RNASEH2B: variants seen among roughly 807,000 people sequenced by gnomAD.
RNASEH2B encodes Aicardi-Goutieres syndrome 2 protein.
In RNASEH2B, 36 loss-of-function variants were observed where a neutral mutation model predicts 45.0. The ratio of observed to expected loss-of-function variants is 0.80; its 90% CI spans 0.61 to 1.06. The LOEUF (loss-of-function observed/expected upper bound fraction) is 1.06, where lower values mean the gene tolerates loss of function less well. Among genes scored for constraint, RNASEH2B ranks in the 50% least tolerant of loss-of-function variants. The pLI, the probability that RNASEH2B is intolerant of heterozygous loss-of-function variation, is 0.00. For synonymous variants in RNASEH2B, 119 were observed against 125.7 expected, an observed-to-expected ratio of 0.95 and a Z score of 0.35; for missense variants, 361 against 360.3, an observed-to-expected ratio of 1.00 and a Z score of -0.02.
At chr13:50,921,113 T>C (rs970571632) in intron 1 of RNASEH2B, 2 of 152,238 alleles carry the variant, frequency 1.3e-5, no homozygotes, top group African/African-American at 4.8e-5. Flanking sequence ...TTCTAGGCAC[T>C]TTCACATACA....
intron 6 of RNASEH2B, among the ~76,000 whole-genome samples, chr13:50,944,648 A>T (rs1951878507): frequency 6.6e-6 from 1 of 151,982 alleles, no homozygotes; most frequent in African/African-American, 2.4e-5. Context: ...ATAAATAATA[A>T]ATAAATTGTG....
intron 5 of RNASEH2B, chr13:50,935,892 G>C (rs1951745518): frequency 6.6e-6 from 1 of 152,444 alleles, no homozygotes; most frequent in East Asian, 1.9e-4. Flanking sequence ...GGAGAAGCCA[G>C]GTCCACCAAG....
At chr13:50,912,581 G>A (rs1454825772) in intron 1 of RNASEH2B, 3 of 152,168 alleles carry the variant, frequency 2.0e-5, no homozygotes, top group South Asian at 2.1e-4. Flanking sequence ...TGTAGTTGTC[G>A]TCTTTTCCAG....
chr13:50,924,400 A>G (rs1951563681), intron 1 of RNASEH2B, among the ~76,000 whole-genome samples: 1 of 152,216 alleles, frequency 6.6e-6, no homozygotes, highest in Non-Finnish European at 1.5e-5. Context: ...CAATACTAAT[A>G]TCACATGAAA....
downstream of RNASEH2B, among the ~76,000 whole-genome samples, chr13:50,960,955 T>C (rs1195276000): frequency 6.6e-6 from 1 of 152,212 alleles, no homozygotes; most frequent in Non-Finnish European, 1.5e-5. Context: ...ATCTGTTCTT[T>C]GTCTTACTTG....
chr13:50,927,599 A>G, intron 2 of RNASEH2B, 121 bp downstream of exon 2: 1 of 720,038 alleles, frequency 1.4e-6, no homozygotes, highest in Non-Finnish European at 2.6e-6. Context: ...TGGCACCGTG[A>G]GGAGAAGAAA....
chr13:50,925,998 C>G (rs1951589756), intron 1 of RNASEH2B, among the ~76,000 whole-genome samples: 1 of 152,178 alleles, frequency 6.6e-6, no homozygotes, highest in African/African-American at 2.4e-5. Context: ...TTTACCATCT[C>G]TCAGGGACTA....
At chr13:50,914,167 A>G (rs901332361) in intron 1 of RNASEH2B, among the ~76,000 whole-genome samples, 2 of 152,132 alleles carry the variant, frequency 1.3e-5, no homozygotes, top group African/African-American at 4.8e-5. Context: ...CAAAGGAAGA[A>G]CTACTATAGA....
chr13:50,925,581 A>C (rs1043396478), intron 1 of RNASEH2B, among the ~76,000 whole-genome samples: 1 of 152,200 alleles, frequency 6.6e-6, no homozygotes, highest in Non-Finnish European at 1.5e-5. Context: ...CCCTACTACT[A>C]AGGACCCTTT....
At position 50,909,912 on chromosome 13, in the gene RNASEH2B, T is replaced by A. The variant is rs1003844067; in HGVS notation, c.-165T>A. The A allele has an allele frequency of 1.9e-6, 1 of 516,614 alleles. No homozygotes were observed. Among genetic ancestry groups the A allele is most frequent in the Non-Finnish European group, 3.3e-6 (1 of 300,314 alleles). 32.0% of individuals were successfully genotyped at this position (516,614 alleles called of 1,614,324 possible). A position where few individuals can be genotyped will look rare whatever the true frequency, so the allele number is the denominator to read the frequency against. The stretch of plus-strand genomic sequence containing the variant: ...ACGTAACACGAGCAGCAGGCTGGTC[T>A]CGGAAACGAAACGAAATTCGGTCCC... On this transcript the variant is annotated 5_prime_UTR_variant, in exon 1 of 11. Transcript: ENST00000336617.
intron 1 of RNASEH2B, among the ~76,000 whole-genome samples, chr13:50,916,938 T>G (rs1879778271): frequency 6.6e-6 from 1 of 152,162 alleles, no homozygotes; most frequent in South Asian, 2.1e-4. Flanking sequence ...GGTTTCTGCC[T>G]CTCTGAGTGT....
Position 50,948,087 on chromosome 13 carries a change from C to A in RNASEH2B, c.698+19C>A. 1 of 1,609,212 alleles carries A rather than the reference C, an allele frequency of 6.2e-7. No homozygotes were observed. The highest frequency in any genetic ancestry group is 2.2e-5 in the East Asian group (1 of 44,744). ...ACTTAAAGTGAGTATTGATTATCTTCAGTCATAATGAAGTACCATTTGCTT... is the reference window on the plus strand; with the variant it reads ...ACTTAAAGTGAGTATTGATTATCTTAAGTCATAATGAAGTACCATTTGCTT... On this transcript the variant is annotated intron_variant, in intron 8 of 10. Transcript: ENST00000336617.
intron 1 of RNASEH2B, among the ~76,000 whole-genome samples, chr13:50,921,495 C>T (rs1194668741): frequency 2.6e-5 from 4 of 152,172 alleles, no homozygotes; most frequent in African/African-American, 9.7e-5. Flanking sequence ...GTGGAGCCTC[C>T]AAACCTGTTG....
chr13:50,944,606 A>G (rs1951877526), intron 6 of RNASEH2B, among the ~76,000 whole-genome samples: 1 of 152,158 alleles, frequency 6.6e-6, no homozygotes, highest in African/African-American at 2.4e-5. Flanking sequence ...GTATCCCAGA[A>G]CTTAAAGTAT....
chr13:50,970,103 G>T (rs2138049584), exon 10 of RNASEH2B: 1 of 796,788 alleles, frequency 1.3e-6, no homozygotes, highest in East Asian at 2.7e-5. Flanking sequence ...GACTGTAAAT[G>T]CTTTATTTCT....
chr13:50,958,862 T>C (rs914860832), downstream of RNASEH2B, among the ~76,000 whole-genome samples: 1 of 152,168 alleles, frequency 6.6e-6, no homozygotes, highest in African/African-American at 2.4e-5. Flanking sequence ...TTCCTTATAA[T>C]GGATTTTTGG....
intron 9 of RNASEH2B, among the ~76,000 whole-genome samples, chr13:50,964,092 G>A (rs1379717138): frequency 5.3e-5 from 8 of 152,052 alleles, no homozygotes; most frequent in African/African-American, 1.7e-4. Context: ...CCAGCTACTC[G>A]GGAGGCTGAG....
chr13:50,925,574 T>C (rs1951583853), intron 1 of RNASEH2B, among the ~76,000 whole-genome samples: 1 of 152,218 alleles, frequency 6.6e-6, no homozygotes, highest in South Asian at 2.1e-4. Flanking sequence ...GACTCTTCCC[T>C]ACTACTAAGG....
intron 9 of RNASEH2B, among the ~76,000 whole-genome samples, chr13:50,964,889 C>A (rs932411633): frequency 6.6e-6 from 1 of 151,802 alleles, no homozygotes; most frequent in Admixed American, 6.6e-5. Flanking sequence ...TTGTTATTAT[C>A]ACTTATCTTA....
Sources: allele counts gnomAD v4.1 joint callset (sites outside exome capture counted in the v4.1 genomes callset), GRCh38; gene constraint gnomAD v4.1.1; transcripts MANE v1.5; gene names NCBI Gene and HGNC (gene_info 2026-07-23, HGNC 2026-07-21).